FAM111A: variants seen among roughly 807,000 people sequenced by gnomAD.
FAM111A encodes the protein FAM111 trypsin like peptidase A.
A neutral mutation model predicts 3.3 loss-of-function variants in FAM111A; 8 were observed. The observed-to-expected ratio is 2.39, with a 90% CI of 1.40 to 4.32. The LOEUF (loss-of-function observed/expected upper bound fraction) is 4.32. Among genes scored for constraint, FAM111A ranks in the 30% most tolerant of loss-of-function variants. FAM111A has a pLI of 0.00. For missense variants in FAM111A, 683 were observed against 727.6 expected, an observed-to-expected ratio of 0.94 and a Z score of 0.71; for synonymous variants, 227 against 243.1, an observed-to-expected ratio of 0.93 and a Z score of 0.62.
In FAM111A at chr11:59,151,975, A is replaced by G; in HGVS notation, c.307A>G (p.Ser103Gly). 6.2e-7 allele frequency: 1 copy of G among 1,614,212 alleles called. No individual in the cohort carries two copies. Among genetic ancestry groups the G allele is most frequent in the Non-Finnish European group, 8.5e-7 (1 of 1,180,026 alleles). ...KLKLTHSENS[S>G]LYMALNTLQA... ...TAAGCTCACACATAGTGAGAATAGT[A>G]GCTTATATATGGCTCTCAACACTCT... The change falls in exon 6 of 6, where the codon AGC becomes GGC. Residue 103 changes from serine (S) to glycine (G), a missense_variant. Coordinates refer to ENST00000675163, the MANE Select transcript of FAM111A (RefSeq NM_001312909.2).
intron 5 of FAM111A, among the ~76,000 whole-genome samples, chr11:59,149,656 G>A (rs1172387992): frequency 6.6e-6 from 1 of 152,084 alleles, no homozygotes; most frequent in Non-Finnish European, 1.5e-5. Flanking sequence ...CTATTCAATT[G>A]TAATTATAAC....
At chr11:59,143,471 T>G (rs1468492237) in intron 2 of FAM111A, 26 bp from the exon 3 acceptor site, 1 of 152,212 alleles carries the variant, frequency 6.6e-6, no homozygotes, top group East Asian at 1.9e-4. Flanking sequence ...AACAGCCAAG[T>G]GAACGGATGT....
chr11:59,150,266 C>G (rs1861482009), intron 5 of FAM111A, among the ~76,000 whole-genome samples: 1 of 152,082 alleles, frequency 6.6e-6, no homozygotes, highest in African/African-American at 2.4e-5. Context: ...TATGTGAGCC[C>G]AGGGTAAATC....
intron 5 of FAM111A, 72 bp downstream of exon 5, chr11:59,149,025 C>A: frequency 9.5e-7 from 1 of 1,054,166 alleles, no homozygotes; most frequent in Non-Finnish European, 1.5e-6. Flanking sequence ...TCCAGGACCT[C>A]TCTTGGATAC....
rs1200360961 is a variant in FAM111A, at chr11:59,143,484, C to CT, written c.-305-10dup. On this transcript the variant is annotated splice_polypyrimidine_tract_variant and intron_variant, in intron 2 of 5. Coordinates refer to ENST00000675163, the MANE Select transcript of FAM111A (RefSeq NM_001312909.2). ...AGAACAGCCAAGTGAACGGATGTGT[C>CT]TTTCTTTTGCAGTGCCCAAGCCTGT... 6.6e-5 allele frequency: 10 copies of CT among 152,176 alleles called. No homozygotes were observed. Among genetic ancestry groups the CT allele is most frequent in the Admixed American group, 6.5e-4 (10 of 15,308 alleles). 9.4% of individuals were successfully genotyped at this position (152,176 alleles called of 1,614,324 possible). A position where few individuals can be genotyped will look rare whatever the true frequency, so the allele number is the denominator to read the frequency against.
chr11:59,148,766 C>A, intron 4 of FAM111A, 31 bp from the exon 5 acceptor site: 1 of 759,904 alleles, frequency 1.3e-6, no homozygotes, highest in Non-Finnish European at 2.3e-6. Context: ...AGGACACCAG[C>A]TAATCTTTTC....
At chr11:59,151,020 G>C (rs1483556476) in intron 5 of FAM111A, among the ~76,000 whole-genome samples, 1 of 152,074 alleles carries the variant, frequency 6.6e-6, no homozygotes, top group Non-Finnish European at 1.5e-5. Context: ...AATTGCGGTA[G>C]CTTATCGCTG....
chr11:59,152,388 GAAACTCATTGAAAAC>G lies in FAM111A; in HGVS notation c.723_737del (p.Lys241_Asn245del). ...TTTCCTTTCTGGAGAATGATGATTGGAAACTCATTGAAAACAATGACACCATTTTAGAAAGCACCC... is the reference window on the plus strand; with the variant it reads ...TTTCCTTTCTGGAGAATGATGATTGGAATGACACCATTTTAGAAAGCACCC... On this transcript the variant is annotated inframe_deletion, in exon 6 of 6. Coordinates refer to ENST00000675163, the MANE Select transcript of FAM111A (RefSeq NM_001312909.2). 1 of 1,614,110 alleles carries G rather than the reference GAAACTCATTGAAAAC, an allele frequency of 6.2e-7. No homozygotes were observed. Among genetic ancestry groups the G allele is most frequent in the Non-Finnish European group, 8.5e-7 (1 of 1,180,002 alleles).
chr11:59,146,799 A>G (rs779457152), intron 4 of FAM111A, among the ~76,000 whole-genome samples: 1 of 152,336 alleles, frequency 6.6e-6, no homozygotes, highest in African/African-American at 2.4e-5. Context: ...TGAACATTCT[A>G]TAGAGACAAT....
intron 3 of FAM111A, chr11:59,145,459 G>T (rs756911307): frequency 1.3e-5 from 2 of 152,204 alleles, no homozygotes; most frequent in Non-Finnish European, 2.9e-5. Flanking sequence ...ACAGGGGTTG[G>T]TATAGGATAG....
At chr11:59,148,734 C>G in intron 4 of FAM111A, 63 bp from the exon 5 acceptor site, 1 of 630,458 alleles carries the variant, frequency 1.6e-6, no homozygotes, top group Non-Finnish European at 2.9e-6. Flanking sequence ...AAGGTTGGAG[C>G]CTAAGGGGAA....
chr11:59,152,019 G>A lies in FAM111A; in HGVS notation c.351G>A (p.Glu117=). The A allele has an allele frequency of 1.2e-6, 2 of 1,614,116 alleles. No individual in the cohort carries two copies. The highest frequency in any genetic ancestry group is 1.7e-6 in the Non-Finnish European group (2 of 1,180,008). The change falls in exon 6 of 6, where the codon GAG becomes GAA. Residue 117 remains glutamate, a synonymous_variant. Coordinates refer to ENST00000675163, the MANE Select transcript of FAM111A (RefSeq NM_001312909.2). Reference sequence around the variant, plus strand: ...ACACTCTCCAGGCTGTCAGAAAAGAGATAGAAACTCACCAAGGCCAAGAAA... The same window carrying A: ...ACACTCTCCAGGCTGTCAGAAAAGAAATAGAAACTCACCAAGGCCAAGAAA... ...ALNTLQAVRK[E]IETHQGQEML... is the part of the protein sequence containing the mutation.
intron 4 of FAM111A, among the ~76,000 whole-genome samples, chr11:59,147,735 A>G (rs902487738): frequency 1.3e-5 from 2 of 152,234 alleles, no homozygotes; most frequent in African/African-American, 4.8e-5. Context: ...TGTGATAGGT[A>G]TGTAGAAGTT....
intron 5 of FAM111A, among the ~76,000 whole-genome samples, chr11:59,149,726 T>C (rs889253033): frequency 6.6e-6 from 1 of 152,206 alleles, no homozygotes; most frequent in Non-Finnish European, 1.5e-5. Flanking sequence ...TACCATAACC[T>C]TGTTAGGAAG....
At position 59,152,499 on chromosome 11, in the gene FAM111A, A is replaced by G; in HGVS notation, c.831A>G (p.Ala277=). ...AGAAAAGAATGGTCCCCAGTGCAGCAGCTTCTCAGAATCCTGAGTCAGAGA... is the reference window on the plus strand; with the variant it reads ...AGAAAAGAATGGTCCCCAGTGCAGCGGCTTCTCAGAATCCTGAGTCAGAGA... ...EVEKRMVPSA[A]ASQNPESEKR... Residue 277 remains alanine (A), a synonymous_variant, in exon 6 of 6, where the codon GCA becomes GCG. Coordinates refer to ENST00000675163, the MANE Select transcript of FAM111A (RefSeq NM_001312909.2). The G allele has an allele frequency of 6.2e-7, 1 of 1,614,164 alleles. No homozygotes were observed. The highest frequency in any genetic ancestry group is 8.5e-7 in the Non-Finnish European group (1 of 1,180,028).
chr11:59,150,422 C>T (rs1339641636), intron 5 of FAM111A, among the ~76,000 whole-genome samples: 1 of 152,116 alleles, frequency 6.6e-6, no homozygotes, highest in Non-Finnish European at 1.5e-5. Context: ...TTACAATATT[C>T]CTAGCATTGT....
rs375431474 is a variant in FAM111A at position 59,151,971 on chromosome 11, T to G, written c.303T>G (p.Asn101Lys). The change falls in exon 6 of 6, where the codon AAT (asparagine) becomes AAG (lysine). Residue 101 changes from asparagine to lysine, a missense_variant. Around this residue, in one of 3 missense-constraint regions of FAM111A, gnomAD observed 557 missense variants for 600.2 expected, o/e 0.93. Transcript: ENST00000675163. ...AACTTAAGCTCACACATAGTGAGAA[T>G]AGTAGCTTATATATGGCTCTCAACA... ...DMKLKLTHSE[N>K]SSLYMALNTL... The G allele has an allele frequency of 6.2e-7, 1 of 1,613,974 alleles. No individual in the cohort carries two copies. The highest frequency in any genetic ancestry group is 1.3e-5 in the African/African-American group (1 of 74,888).
chr11:59,148,186 G>A (rs1210643714), intron 4 of FAM111A: 1 of 152,184 alleles, frequency 6.6e-6, no homozygotes, highest in East Asian at 1.9e-4. Context: ...CATCAGAGGA[G>A]AGATAGAAGG....
At position 59,151,904 on chromosome 11, in the gene FAM111A, A is replaced by C. The variant is rs771011998; in HGVS notation, c.236A>C (p.Tyr79Ser). The change falls in exon 6 of 6, where the codon TAT (tyrosine) becomes TCT (serine). Residue 79 changes from tyrosine (Y) to serine (S), a missense_variant. Transcript: ENST00000675163. ...ACCATGCCCCAAAATAGGACAATAT[A>C]TGTTACCTTGAAGGTAAACCACAGG... The part of the protein sequence containing the change: ...DQTMPQNRTI[Y>S]VTLKVNHRRN... 6.2e-7 allele frequency: 1 copy of C among 1,614,084 alleles called. No individual in the cohort carries two copies. Among genetic ancestry groups the C allele is most frequent in the African/African-American group, 1.3e-5 (1 of 74,926 alleles).
Sources: gnomAD v4.1 joint callset for allele counts (sites outside exome capture counted in the v4.1 genomes callset) on GRCh38, gnomAD v4.1.1 for gene constraint, gnomAD v4.1.1 regional missense constraint, MANE v1.5 for transcripts, NCBI Gene and HGNC (gene_info 2026-07-23, HGNC 2026-07-21) for gene names.